The following RBFOX1 variants were observed in gnomAD, a reference collection of about 807,000 sequenced individuals.
RBFOX1 encodes the protein RNA binding fox-1 homolog 1, also known as RNA binding protein fox-1 homolog 1.
In RBFOX1, 8 loss-of-function variants were observed where a neutral mutation model predicts 57.7. The observed-to-expected ratio is 0.14, with a 90% CI of 0.08 to 0.25. RBFOX1 has a LOEUF of 0.25. RBFOX1 is among the 10% of genes least tolerant of loss of function. RBFOX1 has a pLI of 1.00. For synonymous variants in RBFOX1, 326 were observed against 222.4 expected (o/e 1.47, Z -4.15); for missense variants, 611 against 548.5 (o/e 1.11, Z -1.14).
intron 1 of RBFOX1, among the ~76,000 whole-genome samples, chr16:6,137,897 C>T (rs755048120): frequency 6.6e-6 from 1 of 152,032 alleles, no homozygotes; most frequent in Non-Finnish European, 1.5e-5. Context: ...GACATGAACC[C>T]GTACACCAGG....
chr16:7,270,850 T>C (rs1270050988), intron 4 of RBFOX1, among the ~76,000 whole-genome samples: 1 of 152,168 alleles, frequency 6.6e-6, no homozygotes, highest in African/African-American at 2.4e-5. Context: ...TCTAAAACTT[T>C]TCTTTTTGAT....
intron 4 of RBFOX1, among the ~76,000 whole-genome samples, chr16:7,220,994 T>C (rs1460236524): frequency 4.6e-5 from 7 of 152,108 alleles, no homozygotes; most frequent in Non-Finnish European, 1.0e-4. Context: ...AAGTCATCGG[T>C]TTCCAACTCC....
chr16:5,273,811 G>A (rs2063075703), intron 1 of RBFOX1, among the ~76,000 whole-genome samples: 1 of 152,124 alleles, frequency 6.6e-6, no homozygotes, highest in Non-Finnish European at 1.5e-5. Flanking sequence ...GGAGAGTTCG[G>A]GGGATGTAGT....
chr16:5,931,211 G>C (rs933356734), intron 4 of RBFOX1, among the ~76,000 whole-genome samples: 6 of 152,058 alleles, frequency 3.9e-5, no homozygotes, highest in Non-Finnish European at 7.4e-5. Flanking sequence ...TCATCCTATT[G>C]CTCATGGCCT....
chr16:6,240,892 C>G (rs561127526), intron 1 of RBFOX1, among the ~76,000 whole-genome samples: 29 of 152,260 alleles, frequency 1.9e-4, no homozygotes, highest in Non-Finnish European at 3.4e-4. Flanking sequence ...CCATGAAGTT[C>G]CCATTGACCT....
chr16:6,908,293 C>T (rs192835961), intron 3 of RBFOX1, among the ~76,000 whole-genome samples: 1 of 151,830 alleles, frequency 6.6e-6, no homozygotes, highest in African/African-American at 2.4e-5. Context: ...GGCAGGCCTG[C>T]ACCCCCAGCC....
rs1597478774 is a variant in RBFOX1, at chr16:5,548,211, T to A, written c.259-50691T>A. ...TATATATATATATATATATAGACAT[T>A]GGGGACTACTGGTGGGGGAGAAAGG... On this transcript the variant is annotated intron_variant, in intron 2 of 2. Transcript: ENST00000585867. Among the ~76,000 whole-genome samples, 4 of 99,648 alleles carry A rather than the reference T, an allele frequency of 4.0e-5. 1 individual carries two copies. The allele number at this position is 99,648 out of a possible 152,430, so 65.4% of individuals were successfully genotyped here.
At chr16:6,495,204 T>A (rs912775897) in intron 2 of RBFOX1, among the ~76,000 whole-genome samples, 1 of 152,120 alleles carries the variant, frequency 6.6e-6, no homozygotes, top group African/African-American at 2.4e-5. Context: ...TTGCAACTTC[T>A]GCCTCCCGGA....
chr16:5,863,526 T>G (rs1047893682), intron 3 of RBFOX1, among the ~76,000 whole-genome samples: 24 of 152,202 alleles, frequency 1.6e-4, no homozygotes, highest in African/African-American at 5.8e-4. Flanking sequence ...CCAGCCACAG[T>G]GGGTCGTGAC....
In RBFOX1 at chr16:5,441,977, A is replaced by G. The variant is rs2068098560; in HGVS notation, c.220-25239A>G. Among the ~76,000 whole-genome samples the G allele has an allele frequency of 1.3e-5, 2 of 152,216 alleles. 1 individual carries two copies. The highest frequency in any genetic ancestry group is 4.1e-4 in the South Asian group (2 of 4,826). ...ATTTGTGTGGGGACACAGTCAAACC[A>G]TATCAATCAGTAAGACACTATCCCT... On this transcript the variant is annotated intron_variant, in intron 1 of 2. Transcript: ENST00000585867.
chr16:7,100,572 T>G (rs1301889846), intron 4 of RBFOX1, among the ~76,000 whole-genome samples: 3 of 151,532 alleles, frequency 2.0e-5, no homozygotes, highest in Non-Finnish European at 4.4e-5. Context: ...GTTGTTTTTT[T>G]TTTTTTTTTT....
chr16:5,439,889 G>A (rs1251830902), intron 1 of RBFOX1, among the ~76,000 whole-genome samples: 1 of 152,132 alleles, frequency 6.6e-6, no homozygotes, highest in African/African-American at 2.4e-5. Context: ...AAAATTGAGT[G>A]GTTTAGAATT....
chr16:7,125,189 C>T (rs575784510), intron 4 of RBFOX1, among the ~76,000 whole-genome samples: 2 of 152,194 alleles, frequency 1.3e-5, no homozygotes, highest in South Asian at 2.1e-4. Flanking sequence ...GCTTGGGGGA[C>T]GGGCCACACT....
At chr16:6,496,558 C>G (rs571997458) in intron 2 of RBFOX1, among the ~76,000 whole-genome samples, 2 of 152,306 alleles carry the variant, frequency 1.3e-5, no homozygotes, top group South Asian at 2.1e-4. Context: ...TTATCCAAAG[C>G]TGTTGCTGCA....
At chr16:7,055,767 G>A (rs1393984861) in intron 4 of RBFOX1, among the ~76,000 whole-genome samples, 1 of 152,200 alleles carries the variant, frequency 6.6e-6, no homozygotes, top group Non-Finnish European at 1.5e-5. Flanking sequence ...GGAGGAAGCA[G>A]AAAATGCACT....
intron 4 of RBFOX1, among the ~76,000 whole-genome samples, chr16:7,106,981 T>TTAAAA (rs67475582): frequency 2.4e-3 from 326 of 138,470 alleles, no homozygotes; most frequent in Middle Eastern, 3.7e-3. Context: ...GCCACACAGT[T>TTAAAA]AAAACACACA....
intron 3 of RBFOX1, among the ~76,000 whole-genome samples, chr16:6,944,240 C>T (rs867148041): frequency 6.6e-6 from 1 of 151,632 alleles, no homozygotes; most frequent in African/African-American, 2.4e-5. Context: ...ACTAAAAATA[C>T]AAAAATAAGC....
chr16:6,596,273 T>G (rs2097775890), intron 2 of RBFOX1, among the ~76,000 whole-genome samples: 1 of 152,196 alleles, frequency 6.6e-6, no homozygotes, highest in African/African-American at 2.4e-5. Flanking sequence ...ATGATTCATT[T>G]TGAGTTAAAT....
At chr16:6,892,338 GGGTTATTTTAA>G (rs759957809) in intron 3 of RBFOX1, among the ~76,000 whole-genome samples, 14 of 152,072 alleles carry the variant, frequency 9.2e-5, no homozygotes, top group Non-Finnish European at 2.1e-4. Context: ...TTTGAAAAGG[GGGTTATTTTAA>G]GGAGACTCAG....
Sources: allele counts gnomAD v4.1 joint callset (sites outside exome capture counted in the v4.1 genomes callset), GRCh38; gene constraint gnomAD v4.1.1; transcripts MANE v1.5; gene names NCBI Gene and HGNC (gene_info 2026-07-23, HGNC 2026-07-21).